PTPRN2: variants seen among roughly 807,000 people sequenced by gnomAD.
PTPRN2 encodes the protein receptor-type tyrosine-protein phosphatase N2.
PTPRN2 carries 74 observed loss-of-function variants against 118.8 expected under a neutral mutation model. That is an observed-to-expected ratio of 0.62 (90% CI 0.52 to 0.76). The LOEUF (loss-of-function observed/expected upper bound fraction) is 0.76. Among genes scored for constraint, PTPRN2 ranks in the 30% least tolerant of loss-of-function variants. The pLI is 0.00. For missense variants in PTPRN2, 1,481 were observed against 1,394.4 expected, an observed-to-expected ratio of 1.06 and a Z score of -0.99; for synonymous variants, 641 against 608.0, an observed-to-expected ratio of 1.05 and a Z score of -0.80.
At chr7:158,337,622 A>T (rs1805926840) in intron 2 of PTPRN2, among the ~76,000 whole-genome samples, 2 of 117,418 alleles carry the variant, frequency 1.7e-5, no homozygotes, top group African/African-American at 3.2e-5. Flanking sequence ...ATAAGAGGAG[A>T]CACCTGCAGA....
chr7:158,392,957 T>G (rs1812053800), intron 2 of PTPRN2, among the ~76,000 whole-genome samples: 1 of 152,118 alleles, frequency 6.6e-6, no homozygotes, highest in South Asian at 2.1e-4. Flanking sequence ...CCTCAGTGTC[T>G]AGAACCACCA....
At chr7:157,548,358 G>A (rs1368878226) in intron 22 of PTPRN2, among the ~76,000 whole-genome samples, 1 of 152,196 alleles carries the variant, frequency 6.6e-6, no homozygotes, top group African/African-American at 2.4e-5. Context: ...AAACCAAGGA[G>A]CAGAGAGGCC....
In PTPRN2 at chr7:158,058,850, T is replaced by C. The variant is rs533293075; in HGVS notation, c.1723+22448A>G. Among the ~76,000 whole-genome samples the C allele has an allele frequency of 2.1e-4, 24 of 114,838 alleles. 1 individual carries two copies. In the South Asian group the frequency reaches 4.6e-3, roughly 22 times the overall value. The allele number at this position is 114,838 out of a possible 152,430, so 75.3% of individuals were successfully genotyped here. ...CACTCCATCTGCACACGGTGAGACA[T>C]CACTGCAGCCACACTCCATCTGCCC... is the stretch of plus-strand genomic sequence containing the variant. On this transcript the variant is annotated intron_variant, in intron 11 of 22. Coordinates refer to ENST00000389418, the MANE Select transcript of PTPRN2 (RefSeq NM_002847.5).
chr7:158,270,769 C>CCTCCACCT lies in PTPRN2; in HGVS notation c.277+46049_277+46050insAGGTGGAG, dbSNP rs1347655310. 3.7e-5 allele frequency among the ~76,000 whole-genome samples: 5 copies of CCTCCACCT among 136,276 alleles called. 1 individual carries two copies. Among genetic ancestry groups the CCTCCACCT allele is most frequent in the Admixed American group, 3.6e-4 (5 of 14,030 alleles). 89.4% of individuals were successfully genotyped at this position (136,276 alleles called of 152,430 possible). On this transcript the variant is annotated intron_variant, in intron 3 of 22. Coordinates refer to ENST00000389418, the MANE Select transcript of PTPRN2 (RefSeq NM_002847.5). Reference sequence around the variant, plus strand: ...GCCGTCTTCTCCACCTGGACCACCCCGTCCACCTGGACCACCCCTCCACCT... The same window carrying CCTCCACCT: ...GCCGTCTTCTCCACCTGGACCACCCCCTCCACCTGTCCACCTGGACCACCCCTCCACCT...
intron 11 of PTPRN2, among the ~76,000 whole-genome samples, chr7:157,994,587 T>TAAAATC (rs1437720233): frequency 3.4e-4 from 32 of 93,210 alleles, no homozygotes; most frequent in African/African-American, 1.9e-3. Context: ...TCCTTGTTCC[T>TAAAATC]AAATCAATGC....
chr7:157,877,177 C>G (rs899223305), intron 12 of PTPRN2, among the ~76,000 whole-genome samples: 2 of 147,700 alleles, frequency 1.4e-5, no homozygotes, highest in African/African-American at 2.5e-5. Flanking sequence ...AGTGCAGCAC[C>G]AGGGTTTCCT....
chr7:157,920,769 A>G (rs1236117451), intron 11 of PTPRN2, among the ~76,000 whole-genome samples: 2 of 152,194 alleles, frequency 1.3e-5, no homozygotes, highest in Non-Finnish European at 2.9e-5. Flanking sequence ...CTCCACAGAA[A>G]TTAATGCAAA....
At chr7:157,982,005 C>CG (rs1803203935) in intron 11 of PTPRN2, among the ~76,000 whole-genome samples, 1 of 141,504 alleles carries the variant, frequency 7.1e-6, no homozygotes, top group Non-Finnish European at 1.6e-5. Flanking sequence ...GTCATAGAGA[C>CG]AAGGAGGGGA....
At chr7:158,280,388 G>A (rs553722962) in intron 3 of PTPRN2, among the ~76,000 whole-genome samples, 34 of 152,320 alleles carry the variant, frequency 2.2e-4, no homozygotes, top group African/African-American at 6.5e-4. Context: ...GTCTGACACC[G>A]GCAGGGAGGG....
intron 1 of PTPRN2, among the ~76,000 whole-genome samples, chr7:158,583,993 C>G (rs1194455886): frequency 6.6e-6 from 1 of 152,182 alleles, no homozygotes; most frequent in Non-Finnish European, 1.5e-5. Context: ...CAGCAGAGTC[C>G]TGCTCCGATG....
chr7:158,081,428 C>T lies in PTPRN2; in HGVS notation c.1644-51G>A, dbSNP rs756998081. 4.5e-6 allele frequency: 7 copies of T among 1,543,782 alleles called. No individual in the cohort carries two copies. In the Admixed American group the frequency reaches 5.0e-5, roughly 11 times the overall value. ...TCATAACGAAGTCTACGCGCCACAC[C>T]GCTTTTCTGAAAACGACATGGAAAA... On this transcript the variant is annotated intron_variant, in intron 10 of 22. Coordinates refer to ENST00000389418, the MANE Select transcript of PTPRN2 (RefSeq NM_002847.5).
At chr7:158,100,245 G>T (rs1438646503) in intron 10 of PTPRN2, among the ~76,000 whole-genome samples, 1 of 19,808 alleles carries the variant, frequency 5.0e-5, no homozygotes, top group Non-Finnish European at 8.9e-5. Flanking sequence ...ATTCCATGGG[G>T]TGTGTGTGTG....
At chr7:157,624,219 G>A (rs1385739084) in intron 14 of PTPRN2, among the ~76,000 whole-genome samples, 3 of 152,060 alleles carry the variant, frequency 2.0e-5, no homozygotes, top group Non-Finnish European at 4.4e-5. Flanking sequence ...CCAGGAGTTC[G>A]AGACCAGCCT....
chr7:158,285,576 C>T (rs1799714378), intron 3 of PTPRN2, among the ~76,000 whole-genome samples: 1 of 152,196 alleles, frequency 6.6e-6, no homozygotes, highest in Non-Finnish European at 1.5e-5. Flanking sequence ...CCTCTGACAC[C>T]AGCATCCTGT....
At chr7:158,473,296 A>G (rs1277845154) in intron 2 of PTPRN2, among the ~76,000 whole-genome samples, 1 of 152,224 alleles carries the variant, frequency 6.6e-6, no homozygotes, top group African/African-American at 2.4e-5. Flanking sequence ...CTAAGGAGAA[A>G]GAGCAGCTGT....
intron 11 of PTPRN2, among the ~76,000 whole-genome samples, chr7:158,008,950 C>T (rs1292117354): frequency 6.6e-6 from 1 of 152,130 alleles, no homozygotes; most frequent in East Asian, 1.9e-4. Flanking sequence ...GAGACACAGG[C>T]TTTCTCCTTT....
intron 3 of PTPRN2, among the ~76,000 whole-genome samples, chr7:158,220,737 G>A (rs1001271355): frequency 3.3e-5 from 5 of 151,712 alleles, no homozygotes; most frequent in Admixed American, 6.6e-5. Context: ...AACATTCCAC[G>A]CTCATGGATA....
At chr7:158,113,221 G>C (rs530919996) in intron 9 of PTPRN2, among the ~76,000 whole-genome samples, 7 of 152,270 alleles carry the variant, frequency 4.6e-5, no homozygotes, top group Non-Finnish European at 1.0e-4. Flanking sequence ...GGGTCATGAT[G>C]GCTGTGGGCT....
At chr7:157,815,323 G>A (rs1292745618) in intron 12 of PTPRN2, among the ~76,000 whole-genome samples, 2 of 152,260 alleles carry the variant, frequency 1.3e-5, no homozygotes, top group Admixed American at 1.3e-4. Context: ...CCATGGCCGT[G>A]GCCTCTTCCT....
Sources: gnomAD v4.1 joint callset for allele counts (sites outside exome capture counted in the v4.1 genomes callset) on GRCh38, gnomAD v4.1.1 for gene constraint, MANE v1.5 for transcripts, NCBI Gene and HGNC (gene_info 2026-07-23, HGNC 2026-07-21) for gene names.